The following PFKFB1 variants were observed in gnomAD, a reference collection of about 807,000 sequenced individuals.
The protein encoded by PFKFB1 is 6-phosphofructo-2-kinase/fructose-2,6-biphosphatase 1.
Under a neutral mutation model 46.4 loss-of-function variants are expected in PFKFB1, and 34 were observed. The ratio of observed to expected loss-of-function variants is 0.73; its 90% CI spans 0.56 to 0.98. The LOEUF (loss-of-function observed/expected upper bound fraction) is 0.98. PFKFB1 is among the 50% of genes least tolerant of loss of function. The probability of loss-of-function intolerance (pLI) is 0.00; values close to 1 mark genes in which losing one functional copy is unlikely to be tolerated. For synonymous variants in PFKFB1, 119 were observed against 133.8 expected (o/e 0.89, Z 0.76); for missense variants, 393 against 376.3 (o/e 1.04, Z -0.37).
chrX:54,986,146 A>T (rs908528731), intron 1 of PFKFB1, among the ~76,000 whole-genome samples: 1 of 111,871 alleles, frequency 8.9e-6, no homozygotes, highest in Non-Finnish European at 1.9e-5. Context: ...CCTACAGAAG[A>T]TAGGTTTTAG....
At chrX:54,991,363 T>C (rs1312807569) in intron 1 of PFKFB1, among the ~76,000 whole-genome samples, 2 of 111,739 alleles carry the variant, frequency 1.8e-5, no homozygotes, top group Non-Finnish European at 3.8e-5. Context: ...ATAGATTAAA[T>C]TATAAAACTT....
chrX:54,973,307 AT>A (rs945313951), intron 1 of PFKFB1, among the ~76,000 whole-genome samples: 3 of 111,021 alleles, frequency 2.7e-5, no homozygotes, highest in African/African-American at 6.6e-5. Flanking sequence ...GGATTCATTA[AT>A]TTTTTGAAGG....
chrX:54,997,248 C>A (rs1935370510), upstream of PFKFB1, among the ~76,000 whole-genome samples: 1 of 111,602 alleles, frequency 9.0e-6, no homozygotes, highest in Non-Finnish European at 1.9e-5. Flanking sequence ...GAGGTGGCAT[C>A]CAGAAAGGTT....
At chrX:54,968,310 G>T (rs1934534116) in intron 1 of PFKFB1, among the ~76,000 whole-genome samples, 1 of 73,467 alleles carries the variant, frequency 1.4e-5, no homozygotes, top group African/African-American at 5.0e-5. Flanking sequence ...ATCACACTCT[G>T]GGGCCTGTTG....
At chrX:54,998,198 C>T (rs1935383743), upstream of PFKFB1, among the ~76,000 whole-genome samples, 1 of 112,191 alleles carries the variant, frequency 8.9e-6, no homozygotes, top group Admixed American at 9.4e-5. Context: ...CCCTGGGGGC[C>T]AGTGTCCCAT....
chrX:54,968,318 T>G, intron 1 of PFKFB1, among the ~76,000 whole-genome samples: 2 of 58,479 alleles, frequency 3.4e-5, no homozygotes, highest in Non-Finnish European at 5.9e-5. Context: ...CTGGGGCCTG[T>G]TGTGGGGTGG....
chrX:54,941,909 G>C (rs781722090), intron 10 of PFKFB1, among the ~76,000 whole-genome samples: 5 of 111,973 alleles, frequency 4.5e-5, no homozygotes, highest in East Asian at 2.8e-4. Context: ...ACCCAAAGGA[G>C]TATAAATTAT....
At chrX:54,952,699 G>C (rs768522009) in intron 7 of PFKFB1, among the ~76,000 whole-genome samples, 1 of 110,613 alleles carries the variant, frequency 9.0e-6, no homozygotes, top group African/African-American at 3.3e-5. Flanking sequence ...TTTCCTATTT[G>C]CTATGCAGTC....
intron 6 of PFKFB1, 123 bp from the exon 7 acceptor site, chrX:54,956,397 C>T (rs377653704): frequency 3.1e-5 from 26 of 831,232 alleles, no homozygotes; most frequent in East Asian, 1.0e-4. Context: ...AAATTGAGAC[C>T]TGGAGAACAC....
intron 6 of PFKFB1, among the ~76,000 whole-genome samples, chrX:54,957,683 T>C (rs1340503563): frequency 9.0e-6 from 1 of 111,451 alleles, no homozygotes; most frequent in African/African-American, 3.3e-5. Context: ...CCCCTTGTCA[T>C]TGCAGGTATA....
chrX:54,993,537 C>G (rs1935297232), intron 1 of PFKFB1, among the ~76,000 whole-genome samples: 1 of 111,876 alleles, frequency 8.9e-6, no homozygotes, highest in Admixed American at 9.4e-5. Context: ...GACCAACTCC[C>G]AGACACTTCA....
At position 54,989,266 on chromosome X, in the gene PFKFB1, A is replaced by G. The variant is rs552558518; in HGVS notation, c.97+4645T>C. Among the ~76,000 whole-genome samples the G allele has an allele frequency of 2.7e-5, 3 of 111,880 alleles. No homozygotes were observed. In the South Asian group the frequency reaches 1.1e-3, roughly 41 times the overall value. Reference sequence around the variant, plus strand: ...AAAACAATTTTTTAAATGTAGGAAAACACATACCAGGCAAATATTAAGCTA... The same window carrying G: ...AAAACAATTTTTTAAATGTAGGAAAGCACATACCAGGCAAATATTAAGCTA... On this transcript the variant is annotated intron_variant, in intron 1 of 13. Coordinates refer to ENST00000375006, the MANE Select transcript of PFKFB1 (RefSeq NM_002625.4).
upstream of PFKFB1, among the ~76,000 whole-genome samples, chrX:54,997,644 C>G (rs1382345941): frequency 1.8e-5 from 2 of 111,432 alleles, no homozygotes; most frequent in African/African-American, 3.3e-5. Context: ...GAGGGGAGAT[C>G]GACCACACAC....
At chrX:54,944,904 T>C (rs910917954) in intron 10 of PFKFB1, among the ~76,000 whole-genome samples, 2 of 112,496 alleles carry the variant, frequency 1.8e-5, no homozygotes, top group Admixed American at 9.5e-5. Context: ...AAATAAAGTA[T>C]GACTAATAAA....
chrX:54,967,251 A>G (rs1934502374), intron 1 of PFKFB1, among the ~76,000 whole-genome samples: 2 of 112,505 alleles, frequency 1.8e-5, no homozygotes, highest in Admixed American at 9.5e-5. Context: ...GACAACAGAC[A>G]TGAATGATGA....
intron 12 of PFKFB1, among the ~76,000 whole-genome samples, chrX:54,934,200 C>T (rs1029422643): frequency 3.6e-5 from 4 of 111,953 alleles, no homozygotes; most frequent in African/African-American, 9.8e-5. Context: ...TCTTGAGGTC[C>T]GCAGGACAGC....
At chrX:54,979,797 TA>T (rs1360525875) in intron 1 of PFKFB1, among the ~76,000 whole-genome samples, 1 of 111,676 alleles carries the variant, frequency 9.0e-6, no homozygotes, top group African/African-American at 3.3e-5. Context: ...TTTTAACCCA[TA>T]AAATAAGGCA....
intron 1 of PFKFB1, among the ~76,000 whole-genome samples, chrX:54,989,384 TTAA>T (rs1406781480): frequency 9.0e-6 from 1 of 111,471 alleles, no homozygotes; most frequent in African/African-American, 3.3e-5. Flanking sequence ...ATTACCAGAG[TTAA>T]TAATTTCCTT....
At chrX:54,958,408 G>A (rs746055776) in intron 5 of PFKFB1, 46 bp from the exon 6 acceptor site, 1 of 830,271 alleles carries the variant, frequency 1.2e-6, no homozygotes, top group Non-Finnish European at 1.8e-6. Context: ...AATTATGTTT[G>A]GTAGGAGCTG....
Sources: gnomAD v4.1 joint callset for allele counts (sites outside exome capture counted in the v4.1 genomes callset) on GRCh38, gnomAD v4.1.1 for gene constraint, MANE v1.5 for transcripts, NCBI Gene and HGNC (gene_info 2026-07-23, HGNC 2026-07-21) for gene names.